The following COL18A1 variants were observed in gnomAD, a reference collection of about 807,000 sequenced individuals.
COL18A1 encodes the protein collagen type XVIII alpha 1 chain, also known as collagen alpha-1(XVIII) chain.
In COL18A1, 133 loss-of-function variants were observed where a neutral mutation model predicts 168.0. The observed-to-expected ratio is 0.79, with a 90% CI of 0.69 to 0.91. COL18A1 has a LOEUF of 0.91. COL18A1 is among the 40% of genes least tolerant of loss of function. The pLI, the probability that COL18A1 is intolerant of heterozygous loss-of-function variation, is 0.00. For missense variants in COL18A1, 2,126 were observed against 1,925.4 expected, an observed-to-expected ratio of 1.10 and a Z score of -1.95; for synonymous variants, 949 against 809.0, an observed-to-expected ratio of 1.17 and a Z score of -2.94.
At chr21:45,437,444 ACTCACT>A (rs1569287838) in intron 2 of COL18A1, among the ~76,000 whole-genome samples, 3 of 39,528 alleles carry the variant, frequency 7.6e-5, no homozygotes, top group Admixed American at 2.6e-4. Context: ...GCACACACAC[ACTCACT>A]CACAGACAGA....
rs774550502 is a variant in COL18A1, at chr21:45,497,621, C to T, written c.2643C>T (p.Pro881=). ...CAGGGAATCAGGGCCCTCCAGGACC[C>T]AAGGGCGCCAAAGGAGAAGTGGGCC... ...GLPGNQGPPG[P]KGAKGEVGPP... is the part of the protein sequence containing the mutation. Residue 881 remains proline, a synonymous_variant, in exon 32 of 42, where the codon CCC becomes CCT. Transcript: ENST00000651438. 1.0e-5 allele frequency: 16 copies of T among 1,567,760 alleles called. No homozygotes were observed. The East Asian group carries it at 3.6e-4, about 35-fold the overall frequency.
intron 2 of COL18A1, among the ~76,000 whole-genome samples, chr21:45,454,197 G>A (rs1261800720): frequency 6.6e-6 from 1 of 152,186 alleles, no homozygotes; most frequent in African/African-American, 2.4e-5. Context: ...CCTCGAGAAG[G>A]AGGTGGCACT....
chr21:45,498,286 C>G lies in COL18A1; in HGVS notation c.2683+625C>G. 1 of 708,696 alleles carries G rather than the reference C, an allele frequency of 1.4e-6. No homozygotes were observed. Among genetic ancestry groups the G allele is most frequent in the Non-Finnish European group, 2.6e-6 (1 of 384,748 alleles). The allele number at this position is 708,696 out of a possible 1,614,324, so 43.9% of individuals were successfully genotyped here. On this transcript the variant is annotated intron_variant, in intron 32 of 41. Coordinates refer to ENST00000651438, the MANE Select transcript of COL18A1 (RefSeq NM_001379500.1). The surrounding 1 kb of genome is among the most constrained non-coding windows in gnomAD (Gnocchi z 4.5). The stretch of plus-strand genomic sequence containing the variant: ...AGCCAGGCTAGCCTCGGGCGCCTTT[C>G]ACCACCAGGGTCCCCTCTCGCCGCC...
chr21:45,509,020 G>T (rs1471622829), intron 38 of COL18A1, among the ~76,000 whole-genome samples: 1 of 152,136 alleles, frequency 6.6e-6, no homozygotes, highest in Non-Finnish European at 1.5e-5. Flanking sequence ...TTAGAAGGTC[G>T]AAGGTCGCCG....
Position 45,418,578 on chromosome 21 carries a change from G to A in COL18A1, c.106+13105G>A, listed in dbSNP as rs148643633. The stretch of plus-strand genomic sequence containing the variant: ...CTTGCTGAGCCTCGGGGTGCTCACC[G>A]GCGGTTCCCACCTGCTCTGCACAGC... On this transcript the variant is annotated intron_variant, in intron 2 of 41. Coordinates refer to ENST00000651438, the MANE Select transcript of COL18A1 (RefSeq NM_001379500.1). Among the ~76,000 whole-genome samples the A allele has an allele frequency of 8.5e-3, 1,293 of 152,154 alleles. 12 individuals are homozygous for A. Among genetic ancestry groups the A allele is most frequent in the Non-Finnish European group, 8.5e-3 (581 of 67,988 alleles).
intron 24 of COL18A1, 57 bp from the exon 25 acceptor site, chr21:45,493,106 G>A (rs1020100121): frequency 6.7e-6 from 10 of 1,501,456 alleles, no homozygotes; most frequent in South Asian, 4.8e-5. Flanking sequence ...TGGAGCAGCC[G>A]TCGGGGATGG....
Position 45,491,230 on chromosome 21 carries a change from T to A in COL18A1, c.2073T>A (p.Asp691Glu), listed in dbSNP as rs1222766577. The A allele has an allele frequency of 1.9e-6, 3 of 1,611,802 alleles. No homozygotes were observed. Among genetic ancestry groups the A allele is most frequent in the Non-Finnish European group, 1.7e-6 (2 of 1,179,306 alleles). ...CGCGTGGCCTCCTCTTCCAGGGAGA[T>A]CCAGGGAAGGACGGAGTCGGGCAGC... ...GDRGSRGEKG[D>E]PGKDGVGQPG... The change falls in exon 22 of 42, where the codon GAT becomes GAA. Residue 691 changes from aspartate to glutamate, a missense_variant. Transcript: ENST00000651438.
intron 4 of COL18A1, 102 bp downstream of exon 4, chr21:45,474,083 T>A: frequency 1.2e-6 from 1 of 862,884 alleles, no homozygotes; most frequent in Non-Finnish European, 1.9e-6. Flanking sequence ...ATATACCACT[T>A]GGGGCACTGG....
intron 4 of COL18A1, among the ~76,000 whole-genome samples, chr21:45,474,803 G>GACGTGGACC (rs1568899770): frequency 3.4e-3 from 497 of 146,572 alleles, no homozygotes; most frequent in Non-Finnish European, 4.0e-3. Context: ...AGACACCGTG[G>GACGTGGACC]CTGGACTGTG....
In COL18A1 at chr21:45,429,048, G is replaced by A. The variant is rs113189135; in HGVS notation, c.106+23575G>A. Among the ~76,000 whole-genome samples, 683 of 151,746 alleles carry A rather than the reference G, an allele frequency of 4.5e-3. 3 individuals are homozygous for A. The highest frequency in any genetic ancestry group is 0.016 in the African/African-American group (644 of 41,356). On this transcript the variant is annotated intron_variant, in intron 2 of 41. Transcript: ENST00000651438. ...CTCCCGAGTAGCTGGGACTATAGGC[G>A]CGCCACCCCACCCGGCCAATTTTTT... is the stretch of plus-strand genomic sequence containing the variant.
At position 45,510,297 on chromosome 21, in the gene COL18A1, G is replaced by A. The variant is rs536097436; in HGVS notation, c.3693+36G>A. The stretch of plus-strand genomic sequence containing the variant: ...CCAGTCCTGAGGGCGCGGGCTCCTC[G>A]GCCCCCACTTGACCTCTGGGGTGAA... On this transcript the variant is annotated intron_variant, in intron 40 of 41. Transcript: ENST00000651438. The A allele has an allele frequency of 6.0e-5, 94 of 1,561,290 alleles. 2 individuals carry two copies. The highest frequency in any genetic ancestry group is 5.6e-4 in the African/African-American group (41 of 73,486).
intron 40 of COL18A1, 21 bp from the exon 41 acceptor site, chr21:45,511,090 T>TATAC (rs1568954974): frequency 4.3e-6 from 5 of 1,171,932 alleles, no homozygotes; most frequent in East Asian, 5.5e-5. Flanking sequence ...CACACACACA[T>TATAC]ACACACGGTT....
chr21:45,442,359 G>A (rs1350531159), intron 2 of COL18A1, among the ~76,000 whole-genome samples: 1 of 152,186 alleles, frequency 6.6e-6, no homozygotes, highest in African/African-American at 2.4e-5. Flanking sequence ...TCGTGTCTGT[G>A]GGGAGGGCCC....
intron 2 of COL18A1, among the ~76,000 whole-genome samples, chr21:45,408,815 C>T (rs879331): frequency 0.57 from 86,421 of 151,976 alleles, 24,852 homozygotes; most frequent in Middle Eastern, 0.72. Context: ...GTTGGAGACC[C>T]GAGGCCACCC....
intron 34 of COL18A1, among the ~76,000 whole-genome samples, chr21:45,504,819 T>G (rs2037093194): frequency 6.6e-6 from 1 of 152,106 alleles, no homozygotes; most frequent in African/African-American, 2.4e-5. Flanking sequence ...CCTCTGCTCC[T>G]GGGCCGGGTC....
rs1035815051 is a variant in COL18A1, at chr21:45,512,468, C to T, written c.*70C>T. On this transcript the variant is annotated 3_prime_UTR_variant, in exon 42 of 42. Transcript: ENST00000651438. ...GGAAGCCCCCACCGTGGGCAGGGAG[C>T]GGCCGGCCAGCCCCTGGCCCCAGGA... 5.3e-5 allele frequency: 78 copies of T among 1,484,312 alleles called. No homozygotes were observed. Among genetic ancestry groups the T allele is most frequent in the Non-Finnish European group, 6.9e-5 (75 of 1,087,386 alleles). 91.9% of individuals were successfully genotyped at this position (1,484,312 alleles called of 1,614,324 possible).
Position 45,487,461 on chromosome 21 carries a change from C to T in COL18A1, c.1848C>T (p.Gly616=). The change falls in exon 17 of 42, where the codon GGC becomes GGT. Residue 616 remains glycine (G), a synonymous_variant. Transcript: ENST00000651438. ...GLPAGFDDME[G]SGGPFWSTAR... ...GTCTCTTCCAGGATGACATGGAAGG[C>T]TCCGGGGGGCCCTTCTGGTCAACAG... is the stretch of plus-strand genomic sequence containing the variant. The T allele has an allele frequency of 1.2e-6, 2 of 1,613,032 alleles. No individual in the cohort carries two copies. Among genetic ancestry groups the T allele is most frequent in the African/African-American group, 1.3e-5 (1 of 75,060 alleles).
chr21:45,498,540 C>G lies in COL18A1; in HGVS notation c.2683+879C>G, dbSNP rs747382450. 1.0e-4 allele frequency: 73 copies of G among 716,748 alleles called. No homozygotes were observed. The highest frequency in any genetic ancestry group is 1.7e-4 in the Non-Finnish European group (66 of 385,074). 44.4% of individuals were successfully genotyped at this position (716,748 alleles called of 1,614,324 possible). On this transcript the variant is annotated intron_variant, in intron 32 of 41. Transcript: ENST00000651438. The surrounding 1 kb of genome is among the most constrained non-coding windows in gnomAD (Gnocchi z 4.5). ...GAGGAGGCCGCCATACCTGCTCTTG[C>G]TGGGGCTGCACTCTGGGGTGGGAAG...
intron 4 of COL18A1, among the ~76,000 whole-genome samples, chr21:45,474,333 G>A (rs113153502): frequency 3.7e-3 from 543 of 148,730 alleles, no homozygotes; most frequent in African/African-American, 0.014. Context: ...CTTGTGTGTT[G>A]TGTGTGGATG....
Sources: gnomAD v4.1 joint callset for allele counts (sites outside exome capture counted in the v4.1 genomes callset) on GRCh38, gnomAD v4.1.1 for gene constraint, Gnocchi (gnomAD v3.1) non-coding constraint, MANE v1.5 for transcripts, NCBI Gene and HGNC (gene_info 2026-07-23, HGNC 2026-07-21) for gene names.